The following FAM81A variants were observed in gnomAD, a reference collection of about 807,000 sequenced individuals.
FAM81A encodes the protein protein FAM81A.
Under a neutral mutation model 46.7 loss-of-function variants are expected in FAM81A, and 19 were observed. That is an observed-to-expected ratio of 0.41 (90% confidence interval 0.28 to 0.60). The LOEUF is 0.60. FAM81A is among the 20% of genes least tolerant of loss of function. The pLI is 0.34. For synonymous variants in FAM81A, 183 were observed against 152.9 expected, an observed-to-expected ratio of 1.20 and a Z score of -1.45; for missense variants, 377 against 453.5, an observed-to-expected ratio of 0.83 and a Z score of 1.53.
At chr15:59,435,499 A>G (rs1398752055), upstream of FAM81A, among the ~76,000 whole-genome samples, 8 of 152,026 alleles carry the variant, frequency 5.3e-5, no homozygotes, top group African/African-American at 1.9e-4. Flanking sequence ...GTACGTCTGT[A>G]GTCCCAGCTA....
At chr15:59,520,603 G>A (rs542733445) in intron 8 of FAM81A, among the ~76,000 whole-genome samples, 9 of 138,952 alleles carry the variant, frequency 6.5e-5, no homozygotes, top group South Asian at 4.5e-4. Context: ...TTGCTCTGTC[G>A]CCGAGGCTGG....
chr15:59,426,429 A>C (rs1596465820), intron 2 of FAM81A, among the ~76,000 whole-genome samples: 1 of 152,280 alleles, frequency 6.6e-6, no homozygotes, highest in East Asian at 1.9e-4. Flanking sequence ...AACATGAAGA[A>C]ACCCCGTCTC....
intron 2 of FAM81A, among the ~76,000 whole-genome samples, chr15:59,414,560 G>T (rs2081137313): frequency 6.6e-6 from 1 of 152,166 alleles, no homozygotes; most frequent in Non-Finnish European, 1.5e-5. Context: ...TTCTCTTGGT[G>T]TGGTGTTGGC....
At chr15:59,430,996 CATA>C (rs1260425516) in intron 2 of FAM81A, among the ~76,000 whole-genome samples, 1 of 152,106 alleles carries the variant, frequency 6.6e-6, no homozygotes, top group African/African-American at 2.4e-5. Flanking sequence ...GTATGTTAAA[CATA>C]ATAAATAATA....
intron 8 of FAM81A, among the ~76,000 whole-genome samples, chr15:59,520,854 G>A (rs775761488): frequency 6.6e-6 from 1 of 152,134 alleles, no homozygotes; most frequent in Non-Finnish European, 1.5e-5. Flanking sequence ...ATGAGCCACC[G>A]TACCAGGCCT....
chr15:59,449,004 T>C (rs1386939033), intron 1 of FAM81A, among the ~76,000 whole-genome samples: 1 of 152,210 alleles, frequency 6.6e-6, no homozygotes, highest in Non-Finnish European at 1.5e-5. Flanking sequence ...TGCTGTGTTC[T>C]AACTAACTGC....
At chr15:59,481,058 G>C (rs1028273832) in intron 3 of FAM81A, among the ~76,000 whole-genome samples, 1 of 151,986 alleles carries the variant, frequency 6.6e-6, no homozygotes, top group Non-Finnish European at 1.5e-5. Context: ...GCAGTTGTGG[G>C]AACATGGCTC....
chr15:59,443,227 C>T (rs2081319539), intron 1 of FAM81A, among the ~76,000 whole-genome samples: 1 of 152,158 alleles, frequency 6.6e-6, no homozygotes, highest in South Asian at 2.1e-4. Flanking sequence ...GGATTACAGG[C>T]ACCCACCATC....
chr15:59,417,428 G>A (rs1436368524), intron 2 of FAM81A, among the ~76,000 whole-genome samples: 1 of 152,094 alleles, frequency 6.6e-6, no homozygotes, highest in Non-Finnish European at 1.5e-5. Context: ...TTTTCTGGCT[G>A]GATGTGTTGG....
intron 4 of FAM81A, among the ~76,000 whole-genome samples, chr15:59,495,970 A>T (rs559965013): frequency 1.3e-5 from 2 of 152,164 alleles, no homozygotes; most frequent in South Asian, 4.2e-4. Flanking sequence ...ATTCTAAGGG[A>T]TGTCTTTTCA....
intron 1 of FAM81A, among the ~76,000 whole-genome samples, chr15:59,454,256 A>T (rs1185613231): frequency 3.9e-5 from 6 of 152,192 alleles, no homozygotes; most frequent in African/African-American, 7.2e-5. Context: ...TATCAATCCT[A>T]TATTTTAATA....
chr15:59,509,253 T>C (rs1175592164), intron 6 of FAM81A, among the ~76,000 whole-genome samples: 1 of 152,214 alleles, frequency 6.6e-6, no homozygotes, highest in African/African-American at 2.4e-5. Flanking sequence ...ACTCTGTTCT[T>C]ATCCTTGTGG....
At chr15:59,490,009 A>T (rs2081964745) in intron 3 of FAM81A, among the ~76,000 whole-genome samples, 1 of 152,188 alleles carries the variant, frequency 6.6e-6, no homozygotes, top group Non-Finnish European at 1.5e-5. Context: ...AGTATACAAT[A>T]GTTGTGTTTA....
chr15:59,419,567 G>A (rs2081161752), intron 2 of FAM81A, among the ~76,000 whole-genome samples: 1 of 148,456 alleles, frequency 6.7e-6, no homozygotes, highest in South Asian at 2.3e-4. Flanking sequence ...GGTTTCCTGT[G>A]TTTGAATTCT....
chr15:59,429,055 T>C (rs543521918), intron 2 of FAM81A, among the ~76,000 whole-genome samples: 1 of 152,372 alleles, frequency 6.6e-6, no homozygotes, highest in African/African-American at 2.4e-5. Flanking sequence ...TATTCTGCTC[T>C]CAGCCTTGAT....
Position 59,507,346 on chromosome 15 carries a change from C to G in FAM81A, c.543+4C>G. 1 of 1,611,022 alleles carries G rather than the reference C, an allele frequency of 6.2e-7. No individual in the cohort carries two copies. The highest frequency in any genetic ancestry group is 1.3e-5 in the African/African-American group (1 of 74,988). ...AATCAAAGATGCAGAGGGACAGGTA[C>G]GACCTGTTTCAGGTAGCTTTTAGAA... On this transcript the variant is annotated splice_donor_region_variant and intron_variant, in intron 5 of 8. Coordinates refer to ENST00000288228, the MANE Select transcript of FAM81A (RefSeq NM_152450.3).
At position 59,402,058 on chromosome 15, in the gene FAM81A, A is replaced by C. The variant is rs112557881; in HGVS notation, c.-160-218A>C. ...CCCCTGGGGTGCGAAAAACGCTCTC[A>C]ATTTTCGGGTCTTAGAGACCCATGA... On this transcript the variant is annotated intron_variant, in intron 1 of 4. Transcript: ENST00000558348. The C allele has an allele frequency of 4.1e-3, 2,242 of 540,448 alleles. 38 individuals are homozygous for C. The highest frequency in any genetic ancestry group is 0.04 in the African/African-American group (2,068 of 51,898). 33.5% of individuals were successfully genotyped at this position (540,448 alleles called of 1,614,324 possible).
At chr15:59,514,555 A>G (rs971136328) in intron 7 of FAM81A, 131 bp downstream of exon 7, 4 of 1,155,678 alleles carry the variant, frequency 3.5e-6, no homozygotes, top group Admixed American at 5.2e-5. Flanking sequence ...ATCCATTTCC[A>G]TAGTTCCATA....
chr15:59,438,200 T>G lies in FAM81A; in HGVS notation c.-160T>G, dbSNP rs2141574523. ...GGCGCGGGCCCGCAGCCGGGCGCCC[T>G]GCTCAGCCAGCGCCAGCGGCCGCCG... On this transcript the variant is annotated 5_prime_UTR_variant, in exon 1 of 9. Coordinates refer to ENST00000288228, the MANE Select transcript of FAM81A (RefSeq NM_152450.3). 6.8e-6 allele frequency: 1 copy of G among 146,604 alleles called. No individual in the cohort carries two copies. The highest frequency in any genetic ancestry group is 2.4e-5 in the African/African-American group (1 of 40,902). 9.1% of individuals were successfully genotyped at this position (146,604 alleles called of 1,614,324 possible).
Sources: allele counts gnomAD v4.1 joint callset (sites outside exome capture counted in the v4.1 genomes callset), GRCh38; gene constraint gnomAD v4.1.1; transcripts MANE v1.5; gene names NCBI Gene and HGNC (gene_info 2026-07-23, HGNC 2026-07-21).